The following NOVA2 variants were observed in gnomAD, a reference collection of about 807,000 sequenced individuals.
NOVA2 encodes the protein RNA-binding protein Nova-2.
A neutral mutation model predicts 22.5 loss-of-function variants in NOVA2; 9 were observed. The observed-to-expected ratio is 0.40, with a 90% CI of 0.24 to 0.70. The LOEUF is 0.70. Ranked by LOEUF, NOVA2 falls within the 30% of genes least tolerant of loss-of-function variation. The pLI, the probability that NOVA2 is intolerant of heterozygous loss-of-function variation, is 0.38. For missense variants in NOVA2, 383 were observed against 682.8 expected (o/e 0.56, Z 4.89); for synonymous variants, 318 against 335.2 (o/e 0.95, Z 0.56).
In NOVA2 at chr19:45,940,139, C is replaced by A; in HGVS notation, c.1203G>T (p.Ala401=). Residue 401 remains alanine, a synonymous_variant, in exon 4 of 4, where the codon GCG becomes GCT. Coordinates refer to ENST00000263257, the MANE Select transcript of NOVA2 (RefSeq NM_002516.4). ...AGGFLTAEKL[A]AESAKELVEI... ...CCACCAGCTCCTTGGCACTCTCAGCCGCCAGCTTCTCCGCCGTCAGGAAGC... is the reference window on the plus strand; with the variant it reads ...CCACCAGCTCCTTGGCACTCTCAGCAGCCAGCTTCTCCGCCGTCAGGAAGC... 6.2e-7 allele frequency: 1 copy of A among 1,609,914 alleles called. No individual in the cohort carries two copies.
intron 2 of NOVA2, among the ~76,000 whole-genome samples, chr19:45,954,887 TGTG>T (rs1347904198): frequency 2.6e-5 from 4 of 151,288 alleles, no homozygotes; most frequent in Non-Finnish European, 5.9e-5. Context: ...TGTGTGTGTG[TGTG>T]TGTACTTGAG....
intron 1 of NOVA2, among the ~76,000 whole-genome samples, chr19:45,963,506 G>C (rs1968125490): frequency 6.7e-6 from 1 of 150,166 alleles, no homozygotes. Context: ...TCTGTGCCTG[G>C]CAGCTTCTCT....
intron 1 of NOVA2, among the ~76,000 whole-genome samples, chr19:45,970,411 T>C (rs1968218394): frequency 6.6e-6 from 1 of 151,634 alleles, no homozygotes; most frequent in Non-Finnish European, 1.5e-5. Context: ...CGTTTCGCTC[T>C]GTTGCCCAGG....
chr19:45,953,440 G>A (rs1443012752), intron 3 of NOVA2, among the ~76,000 whole-genome samples: 1 of 152,214 alleles, frequency 6.6e-6, no homozygotes, highest in Non-Finnish European at 1.5e-5. Flanking sequence ...CAGGAAGTGG[G>A]AGGCAGGTCG....
At chr19:45,954,599 G>T (rs756578699) in intron 2 of NOVA2, among the ~76,000 whole-genome samples, 3 of 152,058 alleles carry the variant, frequency 2.0e-5, no homozygotes, top group Non-Finnish European at 4.4e-5. Flanking sequence ...CAGGGGTGTG[G>T]ACAGGGGAGA....
rs1967665637 is a variant in NOVA2, at chr19:45,937,119, C to T, written c.*2744G>A. The T allele has an allele frequency of 6.6e-6, 1 of 152,110 alleles. No individual in the cohort carries two copies. Among genetic ancestry groups the T allele is most frequent in the East Asian group, 1.9e-4 (1 of 5,164 alleles). 9.4% of individuals were successfully genotyped at this position (152,110 alleles called of 1,614,324 possible). Reference sequence around the variant, plus strand: ...TAGCTCACTGAGCTAGCAAAGTATACCTTTCAGATCACCCTGGCTGGCTGG... The same window carrying T: ...TAGCTCACTGAGCTAGCAAAGTATATCTTTCAGATCACCCTGGCTGGCTGG... On this transcript the variant is annotated 3_prime_UTR_variant, in exon 4 of 4. Transcript: ENST00000263257.
chr19:45,956,597 G>A (rs1250622370), intron 2 of NOVA2, among the ~76,000 whole-genome samples: 1 of 152,118 alleles, frequency 6.6e-6, no homozygotes, highest in African/African-American at 2.4e-5. Context: ...AGCCTCCTGA[G>A]TAGCTGGGAT....
rs1399494037 is a variant in NOVA2 at position 45,939,689 on chromosome 19, T to C, written c.*174A>G. On this transcript the variant is annotated 3_prime_UTR_variant, in exon 4 of 4. Transcript: ENST00000263257. ...GGCTTCTGAGCCCCCTTCCCAACCG[T>C]CACTCAATCCTGCCTATGACTACCA... 2.6e-6 allele frequency: 2 copies of C among 776,672 alleles called. No homozygotes were observed. The highest frequency in any genetic ancestry group is 4.0e-6 in the Non-Finnish European group (2 of 500,190). 48.1% of individuals were successfully genotyped at this position (776,672 alleles called of 1,614,324 possible). A position where few individuals can be genotyped will look rare whatever the true frequency, so the allele number is the denominator to read the frequency against.
chr19:45,971,316 G>A (rs534110956), intron 1 of NOVA2, among the ~76,000 whole-genome samples: 53 of 152,228 alleles, frequency 3.5e-4, no homozygotes, highest in East Asian at 1.9e-3. Flanking sequence ...TCTGGAGGAC[G>A]GTGGTGGAGG....
rs867176201 is a variant in NOVA2, at chr19:45,958,376, A to T, written c.229+2634T>A. Among the ~76,000 whole-genome samples the T allele has an allele frequency of 1.3e-4, 20 of 149,038 alleles. No homozygotes were observed. In the South Asian group the frequency reaches 2.7e-3, roughly 20 times the overall value. The stretch of plus-strand genomic sequence containing the variant: ...TGCTGTGTGTGTGTGTGTGTGTGAG[A>T]GTGTGTGTGTGTGGGAGCATGTGTG... On this transcript the variant is annotated intron_variant, in intron 2 of 3. Transcript: ENST00000263257.
chr19:45,954,089 G>T, intron 2 of NOVA2, 143 bp from the exon 3 acceptor site: 6 of 830,082 alleles, frequency 7.2e-6, no homozygotes, highest in Non-Finnish European at 1.1e-5. Context: ...GGGGGAGCGG[G>T]CATGGGCTGG....
At chr19:45,945,611 C>T (rs1222049649) in intron 3 of NOVA2, among the ~76,000 whole-genome samples, 4 of 151,892 alleles carry the variant, frequency 2.6e-5, no homozygotes, top group African/African-American at 7.3e-5. Flanking sequence ...GGCCTAGAGC[C>T]GTGTACCTTA....
intron 3 of NOVA2, among the ~76,000 whole-genome samples, chr19:45,947,153 T>C (rs1209107543): frequency 3.3e-5 from 5 of 152,216 alleles, no homozygotes; most frequent in African/African-American, 1.2e-4. Context: ...TGTGTTTCTC[T>C]GTAAAAGAAT....
At chr19:45,952,775 C>A (rs770098461) in intron 3 of NOVA2, among the ~76,000 whole-genome samples, 2 of 152,322 alleles carry the variant, frequency 1.3e-5, no homozygotes, top group Non-Finnish European at 2.9e-5. Flanking sequence ...CCAAGCCCTG[C>A]GGTCTTTTTT....
chr19:45,950,310 C>T (rs928184759), intron 3 of NOVA2, among the ~76,000 whole-genome samples: 1 of 151,810 alleles, frequency 6.6e-6, no homozygotes, highest in Admixed American at 6.6e-5. Context: ...AGGTGTGCAC[C>T]ACCATGCCCG....
rs144502458 is a variant in NOVA2, at chr19:45,970,521, G to A, written c.85+2746C>T. ...CTCCTGAGTAGCTCGGACTATAGGC[G>A]CCCACCACCATGCCCCGATAATTTG... On this transcript the variant is annotated intron_variant, in intron 1 of 3. Transcript: ENST00000263257. Among the ~76,000 whole-genome samples, 414 of 151,842 alleles carry A rather than the reference G, an allele frequency of 2.7e-3. 2 individuals are homozygous for A. Among genetic ancestry groups the A allele is most frequent in the African/African-American group, 9.5e-3 (393 of 41,412 alleles).
At chr19:45,959,743 TGA>T (rs1429658428) in intron 2 of NOVA2, among the ~76,000 whole-genome samples, 1 of 118,766 alleles carries the variant, frequency 8.4e-6, no homozygotes, top group South Asian at 2.6e-4. Flanking sequence ...AGAGAGAGAA[TGA>T]GAGAGAAAGA....
intron 2 of NOVA2, among the ~76,000 whole-genome samples, chr19:45,954,317 C>T (rs1166860639): frequency 6.6e-6 from 1 of 152,180 alleles, no homozygotes; most frequent in African/African-American, 2.4e-5. Flanking sequence ...CACTCCGCCC[C>T]CCTCCCCTTC....
At chr19:45,970,794 T>A (rs1251989306) in intron 1 of NOVA2, among the ~76,000 whole-genome samples, 1 of 152,118 alleles carries the variant, frequency 6.6e-6, no homozygotes, top group Non-Finnish European at 1.5e-5. Context: ...AAGCCCTCAA[T>A]TTTGGGATCA....
Sources: gnomAD v4.1 joint callset for allele counts (sites outside exome capture counted in the v4.1 genomes callset) on GRCh38, gnomAD v4.1.1 for gene constraint, MANE v1.5 for transcripts, NCBI Gene and HGNC (gene_info 2026-07-23, HGNC 2026-07-21) for gene names.